The following PDZRN3 variants were observed in gnomAD, a reference collection of about 807,000 sequenced individuals.
PDZRN3 encodes the protein PDZ domain containing ring finger 3, also known as E3 ubiquitin-protein ligase PDZRN3.
PDZRN3 carries 38 observed loss-of-function variants against 85.7 expected under a neutral mutation model. The ratio of observed to expected loss-of-function variants is 0.44; its 90% confidence interval spans 0.34 to 0.58. The LOEUF is 0.58. Ranked by LOEUF, PDZRN3 falls within the 20% of genes least tolerant of loss-of-function variation. The pLI is 0.01. For missense variants in PDZRN3, 1,629 were observed against 1,506.4 expected (o/e 1.08, Z -1.35); for synonymous variants, 759 against 638.0 (o/e 1.19, Z -2.86).
In PDZRN3 at chr3:73,530,932, T is replaced by C. The variant is rs140650784; in HGVS notation, c.918+71422A>G. On this transcript the variant is annotated intron_variant, in intron 3 of 9. Transcript: ENST00000263666. The stretch of plus-strand genomic sequence containing the variant: ...TAAATGGAAAAGGTTATTACTTGAC[T>C]ATAATTTCTAATTATCTTTACTTTA... Among the ~76,000 whole-genome samples, 59 of 152,322 alleles carry C rather than the reference T, an allele frequency of 3.9e-4. 1 individual carries two copies. In the East Asian group the frequency reaches 0.01, roughly 26 times the overall value.
intron 3 of PDZRN3, among the ~76,000 whole-genome samples, chr3:73,487,294 T>G (rs926298111): frequency 4.6e-5 from 7 of 152,318 alleles, no homozygotes; most frequent in South Asian, 2.1e-4. Flanking sequence ...TGTGCCTTAT[T>G]ATTAGAGGGT....
intron 3 of PDZRN3, among the ~76,000 whole-genome samples, chr3:73,438,275 A>C (rs1480093215): frequency 1.3e-5 from 2 of 152,246 alleles, no homozygotes; most frequent in South Asian, 2.1e-4. Flanking sequence ...CGTTCTTTGA[A>C]CTTCCATAAG....
chr3:73,422,354 T>A (rs1575642116), intron 3 of PDZRN3, among the ~76,000 whole-genome samples: 1 of 152,340 alleles, frequency 6.6e-6, no homozygotes, highest in Non-Finnish European at 1.5e-5. Flanking sequence ...CTGTCTCATC[T>A]GTGAAATGGA....
At chr3:73,415,763 T>A (rs1467684828) in intron 3 of PDZRN3, among the ~76,000 whole-genome samples, 1 of 152,198 alleles carries the variant, frequency 6.6e-6, no homozygotes, top group African/African-American at 2.4e-5. Context: ...AAATATTAAA[T>A]GCATTTTTGA....
intron 5 of PDZRN3, among the ~76,000 whole-genome samples, chr3:73,398,557 C>A (rs1701687051): frequency 1.3e-5 from 2 of 152,162 alleles, no homozygotes; most frequent in South Asian, 4.1e-4. Context: ...GTCCTCCTAC[C>A]ACACTTTGAA....
chr3:73,543,378 C>G (rs1456038207), intron 3 of PDZRN3, among the ~76,000 whole-genome samples: 1 of 152,198 alleles, frequency 6.6e-6, no homozygotes, highest in South Asian at 2.1e-4. Flanking sequence ...GTAGGCAGCA[C>G]CTGAGAGGTG....
Position 73,383,911 on chromosome 3 carries a change from C to T in PDZRN3, c.2655G>A (p.Gln885=). ...AHAQHYQSYM[Q]LIQQKSAVEY... is the part of the protein sequence containing the mutation. Reference sequence around the variant, plus strand: ...CCACGGCCGACTTCTGCTGGATCAGCTGCATGTAGCTCTGGTAGTGCTGGG... The same window carrying T: ...CCACGGCCGACTTCTGCTGGATCAGTTGCATGTAGCTCTGGTAGTGCTGGG... Residue 885 remains glutamine, a synonymous_variant, in exon 10 of 10, where the codon CAG becomes CAA. Coordinates refer to ENST00000263666, the MANE Select transcript of PDZRN3 (RefSeq NM_015009.3). The T allele has an allele frequency of 6.2e-7, 1 of 1,611,766 alleles. No individual in the cohort carries two copies. Among genetic ancestry groups the T allele is most frequent in the Non-Finnish European group, 8.5e-7 (1 of 1,179,230 alleles).
chr3:73,403,036 C>T (rs1442785777), intron 4 of PDZRN3, among the ~76,000 whole-genome samples: 9 of 150,716 alleles, frequency 6.0e-5, no homozygotes, highest in Admixed American at 3.3e-4. Flanking sequence ...CTCCGCCTCC[C>T]GGGTTCACGC....
chr3:73,611,433 T>C (rs1305969194), intron 1 of PDZRN3, among the ~76,000 whole-genome samples: 2 of 152,212 alleles, frequency 1.3e-5, no homozygotes, highest in Non-Finnish European at 2.9e-5. Flanking sequence ...TAAGCTGACC[T>C]TCTATGCTTT....
intron 3 of PDZRN3, among the ~76,000 whole-genome samples, chr3:73,422,295 T>C (rs536163475): frequency 6.6e-6 from 1 of 152,218 alleles, no homozygotes; most frequent in Admixed American, 6.5e-5. Flanking sequence ...CTCTGCAACT[T>C]ACCAGCTGTG....
chr3:73,416,995 G>A (rs1475023839), intron 3 of PDZRN3, among the ~76,000 whole-genome samples: 2 of 147,122 alleles, frequency 1.4e-5, no homozygotes, highest in African/African-American at 2.5e-5. Context: ...GAGTTCAAGC[G>A]ATTCTTATGC....
At chr3:73,503,660 ATACAAG>A (rs1704021386) in intron 3 of PDZRN3, among the ~76,000 whole-genome samples, 2 of 152,330 alleles carry the variant, frequency 1.3e-5, no homozygotes, top group South Asian at 4.1e-4. Flanking sequence ...TTAAATGACA[ATACAAG>A]TACGTTTCCA....
intron 3 of PDZRN3, among the ~76,000 whole-genome samples, chr3:73,589,149 G>A (rs528445938): frequency 2.6e-4 from 39 of 151,804 alleles, no homozygotes; most frequent in Non-Finnish European, 4.3e-4. Context: ...CTGGGTTCAC[G>A]CCATTCTGCC....
chr3:73,445,669 C>G (rs1220325582), intron 3 of PDZRN3, among the ~76,000 whole-genome samples: 12 of 152,202 alleles, frequency 7.9e-5, no homozygotes, highest in African/African-American at 2.9e-4. Flanking sequence ...AATTTTTTAA[C>G]ATTCTCTGAG....
At chr3:73,552,436 C>T (rs1267978520) in intron 3 of PDZRN3, among the ~76,000 whole-genome samples, 1 of 151,666 alleles carries the variant, frequency 6.6e-6, no homozygotes, top group Non-Finnish European at 1.5e-5. Context: ...GGAGTTTACA[C>T]AATTATCTCA....
At chr3:73,449,583 T>C (rs1468966976) in intron 3 of PDZRN3, among the ~76,000 whole-genome samples, 2 of 152,236 alleles carry the variant, frequency 1.3e-5, no homozygotes, top group Non-Finnish European at 2.9e-5. Flanking sequence ...AGCCACATTG[T>C]TAATCATATC....
At chr3:73,422,927 A>C (rs1486154316) in intron 3 of PDZRN3, among the ~76,000 whole-genome samples, 1 of 152,192 alleles carries the variant, frequency 6.6e-6, no homozygotes, top group African/African-American at 2.4e-5. Flanking sequence ...AGAAAATACC[A>C]AGCAAAGGAA....
rs569646624 is a variant in PDZRN3 at position 73,601,972 on chromosome 3, C to G, written c.918+382G>C. On this transcript the variant is annotated intron_variant, in intron 3 of 9. Coordinates refer to ENST00000263666, the MANE Select transcript of PDZRN3 (RefSeq NM_015009.3). ...TGAGGACATTAGAATGACTCCAAAG[C>G]TGACACAATTGTACCCTGGTAATCA... is the stretch of plus-strand genomic sequence containing the variant. Among the ~76,000 whole-genome samples, 139 of 152,250 alleles carry G rather than the reference C, an allele frequency of 9.1e-4. 1 individual carries two copies. Among genetic ancestry groups the G allele is most frequent in the African/African-American group, 3.2e-3 (134 of 41,546 alleles).
intron 5 of PDZRN3, among the ~76,000 whole-genome samples, chr3:73,395,618 C>A (rs1701619851): frequency 6.6e-6 from 1 of 152,230 alleles, no homozygotes; most frequent in Admixed American, 6.5e-5. Context: ...TCCAGGAAGA[C>A]TGGCCACTAA....
Sources: gnomAD v4.1 joint callset for allele counts (sites outside exome capture counted in the v4.1 genomes callset) on GRCh38, gnomAD v4.1.1 for gene constraint, MANE v1.5 for transcripts, NCBI Gene and HGNC (gene_info 2026-07-23, HGNC 2026-07-21) for gene names.